The following FOXP1 variants were observed in gnomAD, a reference collection of about 807,000 sequenced individuals.
FOXP1 encodes forkhead box P1, also known as forkhead box protein P1.
In FOXP1, 15 loss-of-function variants were observed where a neutral mutation model predicts 98.2. The ratio of observed to expected loss-of-function variants is 0.15; its 90% CI spans 0.10 to 0.24. FOXP1 has a LOEUF of 0.24. Among genes scored for constraint, FOXP1 ranks in the 10% least tolerant of loss-of-function variants. The pLI, the probability that FOXP1 is intolerant of heterozygous loss-of-function variation, is 1.00. For synonymous variants in FOXP1, 371 were observed against 314.5 expected, an observed-to-expected ratio of 1.18 and a Z score of -1.90; for missense variants, 633 against 848.5, an observed-to-expected ratio of 0.75 and a Z score of 3.15.
intron 18 of FOXP1, 115 bp downstream of exon 18, chr3:70,972,440 G>T: frequency 6.8e-7 from 1 of 1,462,162 alleles, no homozygotes; most frequent in Non-Finnish European, 9.6e-7. Flanking sequence ...TCCCTTAACT[G>T]AGACAACGTG....
At chr3:71,147,185 G>A (rs2060351793) in intron 6 of FOXP1, among the ~76,000 whole-genome samples, 1 of 152,186 alleles carries the variant, frequency 6.6e-6, no homozygotes, top group African/African-American at 2.4e-5. Flanking sequence ...CCCTCTCTTT[G>A]CTTCCCTTCT....
At chr3:71,165,849 C>G (rs1255534163) in intron 6 of FOXP1, among the ~76,000 whole-genome samples, 2 of 152,148 alleles carry the variant, frequency 1.3e-5, no homozygotes, top group Non-Finnish European at 2.9e-5. Context: ...CCATCAGCCA[C>G]CAGTCCAGGT....
At chr3:71,548,081 C>T (rs1578130713) in intron 2 of FOXP1, among the ~76,000 whole-genome samples, 1 of 152,278 alleles carries the variant, frequency 6.6e-6, no homozygotes. Context: ...CTCAATGGGG[C>T]CTCATTCTTT....
intron 6 of FOXP1, 174 bp downstream of exon 6, chr3:71,198,028 C>A (rs765417224): frequency 1.2e-6 from 2 of 1,614,256 alleles, no homozygotes; most frequent in Non-Finnish European, 1.7e-6. Context: ...CTTAAGCCAA[C>A]TGCTGGGACT....
chr3:71,558,710 A>G (rs844218), intron 2 of FOXP1, among the ~76,000 whole-genome samples: 101,742 of 150,720 alleles, frequency 0.68, 36,007 homozygotes, highest in African/African-American at 0.8. Flanking sequence ...GGCCAGGATG[A>G]TCTCCACCTC....
intron 4 of FOXP1, among the ~76,000 whole-genome samples, chr3:71,308,818 G>T (rs2074488916): frequency 6.8e-6 from 1 of 147,606 alleles, no homozygotes; most frequent in African/African-American, 2.5e-5. Flanking sequence ...GGTGAGGGGG[G>T]ACAGCTCCAA....
intron 6 of FOXP1, among the ~76,000 whole-genome samples, chr3:71,118,556 T>G (rs1403902260): frequency 1.3e-5 from 2 of 152,160 alleles, no homozygotes; most frequent in African/African-American, 4.8e-5. Context: ...ATAACACACT[T>G]GGTGACGGGG....
At chr3:70,972,701 C>T (rs372300623) in intron 17 of FOXP1, 25 bp from the exon 18 acceptor site, 1 of 1,611,928 alleles carries the variant, frequency 6.2e-7, no homozygotes, top group Admixed American at 1.7e-5. Flanking sequence ...AAAGAGAGAA[C>T]ATTTACATTT....
chr3:71,033,519 C>T (rs1355142093), intron 11 of FOXP1, among the ~76,000 whole-genome samples: 2 of 146,254 alleles, frequency 1.4e-5, no homozygotes, highest in African/African-American at 2.5e-5. Context: ...TGGTAAAAGG[C>T]ACTTTATTGA....
chr3:71,225,153 C>T (rs901425005), intron 5 of FOXP1, among the ~76,000 whole-genome samples: 3 of 152,182 alleles, frequency 2.0e-5, no homozygotes, highest in Admixed American at 6.5e-5. Context: ...AGCTGGGAGG[C>T]GGCAGTGTGA....
rs138616464 is a variant in FOXP1 at position 71,311,235 on chromosome 3, C to T, written c.-72-11355G>A. ...TCCTGAGTAGCTGGGTCTAGAGGCA[C>T]GTGCCACCATGCCTCACTAGTTTTT... On this transcript the variant is annotated intron_variant, in intron 4 of 20. Transcript: ENST00000649528. Among the ~76,000 whole-genome samples, 1,123 of 152,210 alleles carry T rather than the reference C, an allele frequency of 7.4e-3. 30 individuals carry two copies. Among genetic ancestry groups the T allele is most frequent in the Non-Finnish European group, 4.7e-3 (319 of 68,022 alleles).
chr3:71,214,875 G>A (rs923665893), intron 5 of FOXP1, among the ~76,000 whole-genome samples: 2 of 152,196 alleles, frequency 1.3e-5, no homozygotes, highest in South Asian at 4.1e-4. Context: ...TCTGTCTCAT[G>A]ACAAGGGTTT....
intron 2 of FOXP1, among the ~76,000 whole-genome samples, chr3:71,531,834 A>G (rs1347904945): frequency 6.6e-6 from 1 of 152,178 alleles, no homozygotes; most frequent in Non-Finnish European, 1.5e-5. Flanking sequence ...TAGACCCAAG[A>G]TTTTGTATCT....
At chr3:71,033,604 A>C (rs1476621295) in intron 11 of FOXP1, among the ~76,000 whole-genome samples, 1 of 3,506 alleles carries the variant, frequency 2.9e-4, no homozygotes, top group African/African-American at 1.6e-3. Context: ...TGAACAGTCA[A>C]AAAAAAAAAA....
chr3:71,172,352 C>G (rs916275394), intron 6 of FOXP1, among the ~76,000 whole-genome samples: 1 of 152,130 alleles, frequency 6.6e-6, no homozygotes, highest in Admixed American at 6.5e-5. Flanking sequence ...TGCAGTCCTA[C>G]AACAACATGA....
chr3:71,075,398 G>A (rs1479988697), intron 7 of FOXP1, among the ~76,000 whole-genome samples: 1 of 152,136 alleles, frequency 6.6e-6, no homozygotes, highest in Non-Finnish European at 1.5e-5. Context: ...TTGCTATAAT[G>A]AAATTACAGA....
intron 2 of FOXP1, among the ~76,000 whole-genome samples, chr3:71,561,727 A>G (rs2046556613): frequency 6.6e-6 from 1 of 152,224 alleles, no homozygotes; most frequent in African/African-American, 2.4e-5. Flanking sequence ...ATATGATCCT[A>G]GACAGAATCA....
intron 5 of FOXP1, among the ~76,000 whole-genome samples, chr3:71,228,701 G>A (rs1429017146): frequency 6.6e-6 from 1 of 152,098 alleles, no homozygotes; most frequent in Non-Finnish European, 1.5e-5. Context: ...TAATGAATTG[G>A]TAAATAAGGG....
rs527362472 is a variant in FOXP1, at chr3:71,405,716, G to GTATT, written c.-167-46476_-167-46473dup. Among the ~76,000 whole-genome samples the GTATT allele has an allele frequency of 2.3e-3, 345 of 152,006 alleles. 4 individuals carry two copies. Among genetic ancestry groups the GTATT allele is most frequent in the Admixed American group, 0.013 (204 of 15,246 alleles). On this transcript the variant is annotated intron_variant, in intron 3 of 20. Coordinates refer to ENST00000649528, the MANE Select transcript of FOXP1 (RefSeq NM_001349338.3). Reference sequence around the variant, plus strand: ...TCTAAGATCGAGGGTCCAGGCAACAGTATTTATTTATTTATTTATTTATTT... The same window carrying GTATT: ...TCTAAGATCGAGGGTCCAGGCAACAGTATTTATTTATTTATTTATTTATTTATTT...
Sources: gnomAD v4.1 joint callset for allele counts (sites outside exome capture counted in the v4.1 genomes callset) on GRCh38, gnomAD v4.1.1 for gene constraint, MANE v1.5 for transcripts, NCBI Gene and HGNC (gene_info 2026-07-23, HGNC 2026-07-21) for gene names.